The following TRAM2 variants were observed in gnomAD, a reference collection of about 807,000 sequenced individuals.
The protein encoded by TRAM2 is translocation associated membrane protein 2, also known as translocating chain-associated membrane protein 2.
Under a neutral mutation model 51.0 loss-of-function variants are expected in TRAM2, and 12 were observed. The ratio of observed to expected loss-of-function variants is 0.24; its 90% CI spans 0.15 to 0.38. TRAM2 has a LOEUF of 0.38. Among genes scored for constraint, TRAM2 ranks in the 10% least tolerant of loss-of-function variants. TRAM2 has a pLI of 1.00. For synonymous variants in TRAM2, 175 were observed against 179.4 expected (o/e 0.98, Z 0.20); for missense variants, 361 against 462.0 (o/e 0.78, Z 2.00).
chr6:52,515,362 T>G (rs1217280234), intron 4 of TRAM2, among the ~76,000 whole-genome samples: 3 of 152,202 alleles, frequency 2.0e-5, no homozygotes, highest in Non-Finnish European at 4.4e-5. Flanking sequence ...TTTTGCTGTA[T>G]CAAAGGCTGC....
intron 1 of TRAM2, among the ~76,000 whole-genome samples, chr6:52,540,066 A>G (rs929236307): frequency 6.6e-6 from 1 of 151,990 alleles, no homozygotes; most frequent in African/African-American, 2.4e-5. Flanking sequence ...TAGTAGCAGC[A>G]GAAACCATTC....
chr6:52,574,122 C>T (rs1205358664), intron 1 of TRAM2, among the ~76,000 whole-genome samples: 1 of 152,150 alleles, frequency 6.6e-6, no homozygotes, highest in Non-Finnish European at 1.5e-5. Flanking sequence ...ACCATCGCAC[C>T]ATATGCATCC....
intron 8 of TRAM2, 38 bp downstream of exon 8, chr6:52,505,994 G>T: frequency 6.2e-7 from 1 of 1,606,324 alleles, no homozygotes; most frequent in Non-Finnish European, 8.5e-7. Context: ...CCCCTGCCCA[G>T]GCCTCTAAGC....
chr6:52,541,803 G>GTTT (rs56919932), intron 1 of TRAM2, among the ~76,000 whole-genome samples: 1,571 of 138,694 alleles, frequency 0.011, 41 homozygotes, highest in African/African-American at 0.037. Context: ...AGTTTATTCT[G>GTTT]TTTTTTTTTT....
intron 1 of TRAM2, among the ~76,000 whole-genome samples, chr6:52,560,538 T>C (rs1032391924): frequency 1.3e-5 from 2 of 152,258 alleles, no homozygotes; most frequent in African/African-American, 4.8e-5. Context: ...TATACCACAA[T>C]TTACCTAATC....
chr6:52,504,146 C>A (rs551975219), intron 10 of TRAM2, among the ~76,000 whole-genome samples: 5 of 152,316 alleles, frequency 3.3e-5, no homozygotes, highest in Admixed American at 2.6e-4. Context: ...CACTGTGAGT[C>A]ATTCTTGGAG....
chr6:52,545,867 T>TGC (rs900679448), intron 1 of TRAM2, among the ~76,000 whole-genome samples: 8 of 152,236 alleles, frequency 5.3e-5, no homozygotes, highest in African/African-American at 1.9e-4. Context: ...TTTCATGTTT[T>TGC]GCCCCCACTC....
At chr6:52,543,648 G>A (rs1344554464) in intron 1 of TRAM2, among the ~76,000 whole-genome samples, 2 of 152,208 alleles carry the variant, frequency 1.3e-5, no homozygotes, top group Admixed American at 6.5e-5. Flanking sequence ...ACCCCTCACC[G>A]GTGTAGCACA....
Position 52,576,837 on chromosome 6 carries a change from A to G in TRAM2, c.79T>C (p.Phe27Leu). The G allele has an allele frequency of 1.2e-6, 2 of 1,613,856 alleles. No homozygotes were observed. The highest frequency in any genetic ancestry group is 1.7e-6 in the Non-Finnish European group (2 of 1,179,840). ...FVIHNHADIGFCLVLCVLIGL... is the reference protein window; with the variant it reads ...FVIHNHADIGLCLVLCVLIGL... ...ATGAGGACGCAGAGCACCAGGCAGA[A>G]GCCGATGTCCGCATGGTTGTGGATG... Residue 27 changes from phenylalanine to leucine, a missense_variant, in exon 1 of 11, where the codon TTC becomes CTC. Physicochemically the swap from Phe to Leu is conservative, Grantham distance 22 (BLOSUM62 0). Coordinates refer to ENST00000182527, the MANE Select transcript of TRAM2 (RefSeq NM_012288.4).
At chr6:52,542,233 C>T (rs935226704) in intron 1 of TRAM2, among the ~76,000 whole-genome samples, 2 of 150,350 alleles carry the variant, frequency 1.3e-5, no homozygotes, top group African/African-American at 2.5e-5. Context: ...TGGAAAGTTA[C>T]GCCCAATTGG....
chr6:52,510,187 G>T (rs1472262688), intron 4 of TRAM2, among the ~76,000 whole-genome samples: 1 of 152,220 alleles, frequency 6.6e-6, no homozygotes, highest in East Asian at 1.9e-4. Flanking sequence ...ATTACTGTCA[G>T]TTGTTTCCAT....
chr6:52,569,274 C>CA (rs1262852482), intron 1 of TRAM2, among the ~76,000 whole-genome samples: 1 of 151,964 alleles, frequency 6.6e-6, no homozygotes, highest in Non-Finnish European at 1.5e-5. Context: ...CCTGTAGTCC[C>CA]AGCCACTTGG....
At chr6:52,537,166 C>G (rs1766988994) in intron 1 of TRAM2, among the ~76,000 whole-genome samples, 1 of 152,174 alleles carries the variant, frequency 6.6e-6, no homozygotes, top group Admixed American at 6.5e-5. Flanking sequence ...GACAAGACTT[C>G]TCGTGTCTTT....
rs1213357408 is a variant in TRAM2 at position 52,499,703 on chromosome 6, CAA to C, written c.*3492_*3493del. ...TTCTTAGGGTCCCAGGGTTTCCGGT[CAA>C]GAGAAGGATCTGTGAACGTGGCCAG... is the stretch of plus-strand genomic sequence containing the variant. On this transcript the variant is annotated 3_prime_UTR_variant, in exon 11 of 11. Coordinates refer to ENST00000182527, the MANE Select transcript of TRAM2 (RefSeq NM_012288.4). The C allele has an allele frequency of 6.6e-6, 1 of 152,242 alleles. No individual in the cohort carries two copies. The highest frequency in any genetic ancestry group is 2.4e-5 in the African/African-American group (1 of 41,414). 9.4% of individuals were successfully genotyped at this position (152,242 alleles called of 1,614,324 possible). A position where few individuals can be genotyped will look rare whatever the true frequency, so the allele number is the denominator to read the frequency against.
intron 1 of TRAM2, among the ~76,000 whole-genome samples, chr6:52,539,642 G>T (rs546084470): frequency 6.6e-6 from 1 of 152,228 alleles, no homozygotes; most frequent in East Asian, 1.9e-4. Flanking sequence ...AGGAGCGTGG[G>T]GATCTGACCT....
chr6:52,541,803 G>GTTTTT (rs56919932), intron 1 of TRAM2, among the ~76,000 whole-genome samples: 2 of 138,700 alleles, frequency 1.4e-5, no homozygotes, highest in African/African-American at 5.3e-5. Context: ...AGTTTATTCT[G>GTTTTT]TTTTTTTTTT....
chr6:52,511,917 T>C (rs900249289), intron 4 of TRAM2, among the ~76,000 whole-genome samples: 1 of 152,094 alleles, frequency 6.6e-6, no homozygotes, highest in Non-Finnish European at 1.5e-5. Context: ...CACGTGCCGA[T>C]TGAGGAATAA....
chr6:52,523,764 C>T (rs1766721813), intron 2 of TRAM2: 1 of 152,244 alleles, frequency 6.6e-6, no homozygotes, highest in South Asian at 2.1e-4. Flanking sequence ...CAAGGTTACA[C>T]ACCACAGCAC....
intron 2 of TRAM2, among the ~76,000 whole-genome samples, chr6:52,518,590 G>A (rs545905191): frequency 6.6e-6 from 1 of 152,278 alleles, no homozygotes; most frequent in Non-Finnish European, 1.5e-5. Flanking sequence ...CAGGAGAAGA[G>A]AGAGGAAGGG....
Sources: allele counts gnomAD v4.1 joint callset (sites outside exome capture counted in the v4.1 genomes callset), GRCh38; gene constraint gnomAD v4.1.1; transcripts MANE v1.5; gene names NCBI Gene and HGNC (gene_info 2026-07-23, HGNC 2026-07-21).